Variants in ATP10B observed in about 807,000 individuals in gnomAD.
ATP10B encodes phospholipid-transporting ATPase VB.
A neutral mutation model predicts 141.2 loss-of-function variants in ATP10B; 122 were observed. The ratio of observed to expected loss-of-function variants is 0.86; its 90% CI spans 0.75 to 1.00. The LOEUF (loss-of-function observed/expected upper bound fraction) is 1.00. Ranked by LOEUF, ATP10B falls within the 50% of genes least tolerant of loss-of-function variation. The probability of loss-of-function intolerance (pLI) is 0.00; values close to 1 mark genes in which losing one functional copy is unlikely to be tolerated. For synonymous variants in ATP10B, 685 were observed against 692.0 expected, an observed-to-expected ratio of 0.99 and a Z score of 0.16; for missense variants, 1,876 against 1,825.3, an observed-to-expected ratio of 1.03 and a Z score of -0.51.
intron 23 of ATP10B, among the ~76,000 whole-genome samples, chr5:160,590,419 T>C (rs1756209516): frequency 6.6e-6 from 1 of 152,130 alleles, no homozygotes; most frequent in African/African-American, 2.4e-5. Context: ...GCAACAGTGT[T>C]TACCTGGTGG....
intron 1 of ATP10B, among the ~76,000 whole-genome samples, chr5:160,809,069 T>TTA (rs1168513585): frequency 6.6e-6 from 1 of 152,206 alleles, no homozygotes; most frequent in Non-Finnish European, 1.5e-5. Context: ...TTCCCCATTT[T>TTA]TACAAGGACA....
intron 18 of ATP10B, among the ~76,000 whole-genome samples, chr5:160,611,250 T>C (rs1757704869): frequency 6.6e-6 from 1 of 152,180 alleles, no homozygotes; most frequent in East Asian, 1.9e-4. Flanking sequence ...TTAGGAGCTT[T>C]GGCTGTTTAA....
intron 2 of ATP10B, among the ~76,000 whole-genome samples, chr5:160,756,311 G>A (rs1211295891): frequency 6.6e-6 from 1 of 152,080 alleles, no homozygotes; most frequent in African/African-American, 2.4e-5. Context: ...GTTTTTGGCT[G>A]TATAAATAAA....
chr5:160,849,950 G>A (rs1753696212), intron 1 of ATP10B, among the ~76,000 whole-genome samples: 1 of 152,170 alleles, frequency 6.6e-6, no homozygotes, highest in Non-Finnish European at 1.5e-5. Flanking sequence ...TAGGTTCAAA[G>A]CAAAATTTAA....
At chr5:160,854,738 C>T (rs115386362), upstream of ATP10B, among the ~76,000 whole-genome samples, 994 of 152,154 alleles carry the variant, frequency 6.5e-3, 13 homozygotes, top group African/African-American at 0.021. Context: ...GAAGAATCTC[C>T]GCACTGTCTT....
chr5:160,845,206 T>TA (rs1320045752), intron 1 of ATP10B, among the ~76,000 whole-genome samples: 16 of 152,170 alleles, frequency 1.1e-4, no homozygotes, highest in Non-Finnish European at 1.8e-4. Flanking sequence ...CTCTAAAATT[T>TA]AAAAAATATC....
Position 160,632,620 on chromosome 5 carries a change from GTTTTT to G in ATP10B, c.1382-258_1382-254del, listed in dbSNP as rs34556097. The stretch of plus-strand genomic sequence containing the variant: ...AACCTGTCACTTTATTTCCTCAGAG[GTTTTT>G]TTTTTTTTTTTTTTTTTAGGTTTCT... On this transcript the variant is annotated intron_variant, in intron 12 of 25. Transcript: ENST00000327245. The G allele has an allele frequency of 8.9e-3, 1,146 of 128,480 alleles. 18 individuals are homozygous for G. Among genetic ancestry groups the G allele is most frequent in the African/African-American group, 0.028 (862 of 30,884 alleles). The allele number at this position is 128,480 out of a possible 1,614,324, so 8.0% of individuals were successfully genotyped here.
rs934886101 is a variant in ATP10B, at chr5:160,565,411, C to A, written c.*42G>T. On this transcript the variant is annotated 3_prime_UTR_variant, in exon 26 of 26. Transcript: ENST00000327245. ...GGTCAAGGGTTATGTGGACCAGTGACTAGGTGGCCTCTGTTGAGTTTGTAC... is the reference window on the plus strand; with the variant it reads ...GGTCAAGGGTTATGTGGACCAGTGAATAGGTGGCCTCTGTTGAGTTTGTAC... 14 of 1,586,512 alleles carry A rather than the reference C, an allele frequency of 8.8e-6. No homozygotes were observed. Among genetic ancestry groups the A allele is most frequent in the Non-Finnish European group, 1.2e-5 (14 of 1,159,104 alleles).
At chr5:160,580,854 C>T (rs1479110193) in intron 24 of ATP10B, among the ~76,000 whole-genome samples, 1 of 152,140 alleles carries the variant, frequency 6.6e-6, no homozygotes, top group Non-Finnish European at 1.5e-5. Context: ...TTGGTCTGTT[C>T]AGGGGTTTGA....
chr5:160,730,692 A>G (rs1766675929), intron 2 of ATP10B, among the ~76,000 whole-genome samples: 1 of 152,048 alleles, frequency 6.6e-6, no homozygotes, highest in African/African-American at 2.4e-5. Context: ...CCCCTTGTAT[A>G]TTCTAGACAC....
the ATP10B span, among the ~76,000 whole-genome samples, chr5:160,928,703 T>C: frequency 1.3e-5 from 2 of 152,188 alleles, no homozygotes; most frequent in African/African-American, 4.8e-5. Context: ...GGCACCATCA[T>C]AAAAATCCCA....
chr5:160,876,780 T>A, the ATP10B span, among the ~76,000 whole-genome samples: 3 of 150,284 alleles, frequency 2.0e-5, no homozygotes, highest in Admixed American at 1.3e-4. Flanking sequence ...AACTAGAAAA[T>A]CTAGAAGAAA....
intron 2 of ATP10B, among the ~76,000 whole-genome samples, chr5:160,718,094 G>T (rs1246958196): frequency 6.6e-6 from 1 of 152,228 alleles, no homozygotes; most frequent in East Asian, 1.9e-4. Context: ...TAGGAGGGCT[G>T]CTTAAGCATT....
At chr5:160,904,095 A>C in the ATP10B span, among the ~76,000 whole-genome samples, 1 of 151,850 alleles carries the variant, frequency 6.6e-6, no homozygotes, top group Admixed American at 6.6e-5. Context: ...TCCCCTGGAA[A>C]AGCTCCCAGC....
rs1754451399 is a variant in ATP10B, at chr5:160,565,076, G to C, written c.*377C>G. The C allele has an allele frequency of 5.1e-6, 1 of 196,696 alleles. No individual in the cohort carries two copies. Among genetic ancestry groups the C allele is most frequent in the Non-Finnish European group, 1.0e-5 (1 of 96,072 alleles). The allele number at this position is 196,696 out of a possible 1,614,324, so 12.2% of individuals were successfully genotyped here. ...AAACCCAGAAACTTCCATATCCTGAGATATTGCCTGGGTTGATACACTTCT... is the reference window on the plus strand; with the variant it reads ...AAACCCAGAAACTTCCATATCCTGACATATTGCCTGGGTTGATACACTTCT... On this transcript the variant is annotated 3_prime_UTR_variant, in exon 26 of 26. Coordinates refer to ENST00000327245, the MANE Select transcript of ATP10B (RefSeq NM_025153.3).
rs561735261 is a variant in ATP10B at position 160,769,920 on chromosome 5, G to C, written c.-331+15639C>G. Among the ~76,000 whole-genome samples, 7 of 152,258 alleles carry C rather than the reference G, an allele frequency of 4.6e-5. No individual in the cohort carries two copies. In the South Asian group the frequency reaches 1.2e-3, roughly 27 times the overall value. ...ACAGTTCATGATTTTGCCCGAAGGG[G>C]ATGCCATGTCACCTGGATTCTAAAG... is the stretch of plus-strand genomic sequence containing the variant. On this transcript the variant is annotated intron_variant, in intron 2 of 25. Transcript: ENST00000327245.
In ATP10B at chr5:160,764,689, G is replaced by A. The variant is rs527503667; in HGVS notation, c.-331+20870C>T. Among the ~76,000 whole-genome samples, 36 of 152,138 alleles carry A rather than the reference G, an allele frequency of 2.4e-4. No homozygotes were observed. In the South Asian group the frequency reaches 7.3e-3, roughly 31 times the overall value. ...TACCCACTTTTGCCACTTCTATTCA[G>A]CGTAGTACTGGAAGTCCTAGCCAGA... On this transcript the variant is annotated intron_variant, in intron 2 of 25. Coordinates refer to ENST00000327245, the MANE Select transcript of ATP10B (RefSeq NM_025153.3).
At chr5:160,876,659 G>A in the ATP10B span, among the ~76,000 whole-genome samples, 2 of 152,002 alleles carry the variant, frequency 1.3e-5, no homozygotes, top group East Asian at 3.8e-4. Context: ...AAAGAAAAAA[G>A]AGAGTAGAAT....
the ATP10B span, among the ~76,000 whole-genome samples, chr5:160,894,423 C>A: frequency 6.6e-6 from 1 of 151,468 alleles, no homozygotes. Context: ...GTATCAATAG[C>A]CAAATCGATC....
Sources: gnomAD v4.1 joint callset for allele counts (sites outside exome capture counted in the v4.1 genomes callset) on GRCh38, gnomAD v4.1.1 for gene constraint, MANE v1.5 for transcripts, NCBI Gene and HGNC (gene_info 2026-07-23, HGNC 2026-07-21) for gene names.